FYB1: variants seen among roughly 807,000 people sequenced by gnomAD.
FYB1 encodes FYN binding protein 1.
In FYB1, 41 loss-of-function variants were observed where a neutral mutation model predicts 94.1. The observed-to-expected ratio is 0.44, with a 90% CI of 0.34 to 0.57. The LOEUF is 0.57. FYB1 is among the 20% of genes least tolerant of loss of function. The probability of loss-of-function intolerance (pLI) is 0.02; values close to 1 mark genes in which losing one functional copy is unlikely to be tolerated. For synonymous variants in FYB1, 367 were observed against 353.2 expected, an observed-to-expected ratio of 1.04 and a Z score of -0.44; for missense variants, 1,050 against 976.8, an observed-to-expected ratio of 1.07 and a Z score of -1.00.
chr5:39,183,118 G>A (rs988668028), intron 2 of FYB1, among the ~76,000 whole-genome samples: 1 of 152,032 alleles, frequency 6.6e-6, no homozygotes, highest in Non-Finnish European at 1.5e-5. Flanking sequence ...CGCCTCCTGG[G>A]TTCAAGCGCT....
chr5:39,236,772 A>C (rs1345484), intron 1 of FYB1, among the ~76,000 whole-genome samples: 23,100 of 152,120 alleles, frequency 0.15, 4,637 homozygotes, highest in African/African-American at 0.44. Context: ...AAGGGGGCTG[A>C]GATAGCTCTC....
intron 2 of FYB1, among the ~76,000 whole-genome samples, chr5:39,195,966 A>G (rs1747796361): frequency 4.8e-5 from 1 of 20,722 alleles, no homozygotes; most frequent in South Asian, 3.1e-3. Flanking sequence ...ATTTAGCTTC[A>G]TGATCAGAAA....
chr5:39,208,165 C>CA (rs1320061686), intron 1 of FYB1, among the ~76,000 whole-genome samples: 1 of 152,098 alleles, frequency 6.6e-6, no homozygotes, highest in African/African-American at 2.4e-5. Flanking sequence ...ACAAAAGAAA[C>CA]AAAACTTCCA....
chr5:39,136,706 T>A (rs1383898750), intron 7 of FYB1, among the ~76,000 whole-genome samples: 1 of 152,218 alleles, frequency 6.6e-6, no homozygotes, highest in Non-Finnish European at 1.5e-5. Context: ...TCTGGCTGAC[T>A]TGATGCTATA....
intron 2 of FYB1, among the ~76,000 whole-genome samples, chr5:39,190,094 C>T (rs903471399): frequency 2.0e-4 from 31 of 152,108 alleles, no homozygotes; most frequent in Non-Finnish European, 2.8e-4. Flanking sequence ...TTTATATTTC[C>T]TACATTGGCT....
chr5:39,175,945 T>C (rs536459715), intron 2 of FYB1, among the ~76,000 whole-genome samples: 24 of 152,088 alleles, frequency 1.6e-4, no homozygotes, highest in Middle Eastern at 3.4e-3. Flanking sequence ...ATCAGTGACA[T>C]TCAAGAATAT....
upstream of FYB1, among the ~76,000 whole-genome samples, chr5:39,221,074 A>C (rs560787190): frequency 1.3e-4 from 20 of 152,172 alleles, no homozygotes; most frequent in Non-Finnish European, 2.5e-4. Flanking sequence ...ACAGCTACAC[A>C]GGATAAGGCA....
rs183540707 is a variant in FYB1 at position 39,210,064 on chromosome 5, C to T, written c.-27-7077G>A. On this transcript the variant is annotated intron_variant, in intron 1 of 18. Coordinates refer to ENST00000512982, the MANE Select transcript of FYB1 (RefSeq NM_001465.6). Reference sequence around the variant, plus strand: ...CAAATTAAGTTCTTGGGGCGGGAGCCCTTTGCTGCAGGCTCTGGGCGAAGG... The same window carrying T: ...CAAATTAAGTTCTTGGGGCGGGAGCTCTTTGCTGCAGGCTCTGGGCGAAGG... 4.3e-3 allele frequency among the ~76,000 whole-genome samples: 659 copies of T among 152,336 alleles called. 4 individuals are homozygous for T. The highest frequency in any genetic ancestry group is 6.8e-3 in the Middle Eastern group (2 of 294).
chr5:39,269,276 C>T (rs1404461198), intron 1 of FYB1, among the ~76,000 whole-genome samples: 1 of 151,680 alleles, frequency 6.6e-6, no homozygotes, highest in Non-Finnish European at 1.5e-5. Flanking sequence ...GTCTCGATCT[C>T]CTGACCTCGT....
chr5:39,260,846 T>A (rs1752179628), intron 1 of FYB1, among the ~76,000 whole-genome samples: 1 of 152,130 alleles, frequency 6.6e-6, no homozygotes, highest in Admixed American at 6.5e-5. Flanking sequence ...TACATCCTCA[T>A]AAATTCTGCC....
intron 2 of FYB1, among the ~76,000 whole-genome samples, chr5:39,182,226 A>G (rs1746307308): frequency 6.6e-6 from 1 of 151,718 alleles, no homozygotes; most frequent in Non-Finnish European, 1.5e-5. Context: ...TCCTCAAATA[A>G]TGCCAGTGTG....
At chr5:39,137,564 T>C in intron 7 of FYB1, 36 bp downstream of exon 7, 1 of 1,525,198 alleles carries the variant, frequency 6.6e-7, no homozygotes, top group Non-Finnish European at 8.8e-7. Flanking sequence ...TATAAAAAGA[T>C]GTTATTCTTT....
intron 1 of FYB1, among the ~76,000 whole-genome samples, chr5:39,217,895 G>GT (rs1228796390): frequency 1.3e-5 from 2 of 152,156 alleles, no homozygotes; most frequent in Non-Finnish European, 2.9e-5. Flanking sequence ...GGAAAATGTG[G>GT]TTTTTAAAGC....
intron 1 of FYB1, among the ~76,000 whole-genome samples, chr5:39,237,465 C>T (rs201824030): frequency 1.3e-5 from 2 of 151,858 alleles, no homozygotes; most frequent in Non-Finnish European, 2.9e-5. Flanking sequence ...ACATTCTAAC[C>T]TTCATCAAGC....
chr5:39,185,181 A>C (rs1051600291), intron 2 of FYB1, among the ~76,000 whole-genome samples: 1 of 152,174 alleles, frequency 6.6e-6, no homozygotes, highest in East Asian at 1.9e-4. Flanking sequence ...AAGAATTGAG[A>C]AGCCCAGATA....
chr5:39,193,430 A>G (rs1349334334), intron 2 of FYB1, among the ~76,000 whole-genome samples: 3 of 152,232 alleles, frequency 2.0e-5, no homozygotes, highest in Admixed American at 6.5e-5. Flanking sequence ...TCTAAAACTC[A>G]CTAGCGGTCA....
intron 16 of FYB1, chr5:39,110,672 C>G (rs1476066588): frequency 3.3e-5 from 10 of 301,194 alleles, no homozygotes; most frequent in Non-Finnish European, 6.3e-5. Flanking sequence ...TTTCATTAAG[C>G]TACTGTAGGC....
intron 1 of FYB1, among the ~76,000 whole-genome samples, chr5:39,262,439 G>A (rs1752263890): frequency 6.6e-6 from 1 of 152,132 alleles, no homozygotes; most frequent in Non-Finnish European, 1.5e-5. Context: ...AAACAATAAT[G>A]AAGTACAGTT....
intron 1 of FYB1, among the ~76,000 whole-genome samples, chr5:39,261,369 CACAA>C (rs991221419): frequency 6.8e-6 from 1 of 147,288 alleles, no homozygotes; most frequent in Non-Finnish European, 1.5e-5. Flanking sequence ...CACACACACA[CACAA>C]AGAAATTGTT....
Sources: allele counts gnomAD v4.1 joint callset (sites outside exome capture counted in the v4.1 genomes callset), GRCh38; gene constraint gnomAD v4.1.1; transcripts MANE v1.5; gene names NCBI Gene and HGNC (gene_info 2026-07-23, HGNC 2026-07-21).